The following STK32B variants were observed in gnomAD, a reference collection of about 807,000 sequenced individuals.
The protein encoded by STK32B is serine/threonine kinase 32B, also known as serine/threonine-protein kinase 32B.
In STK32B, 43 loss-of-function variants were observed where a neutral mutation model predicts 52.6. That is an observed-to-expected ratio of 0.82 (90% CI 0.64 to 1.05). STK32B has a LOEUF of 1.05. Among genes scored for constraint, STK32B ranks in the 50% least tolerant of loss-of-function variants. The pLI, the probability that STK32B is intolerant of heterozygous loss-of-function variation, is 0.00. For missense variants in STK32B, 621 were observed against 534.6 expected, an observed-to-expected ratio of 1.16 and a Z score of -1.59; for synonymous variants, 238 against 204.3, an observed-to-expected ratio of 1.17 and a Z score of -1.41.
At chr4:5,482,949 G>T (rs1212688498) in intron 11 of STK32B, among the ~76,000 whole-genome samples, 1 of 152,178 alleles carries the variant, frequency 6.6e-6, no homozygotes, top group Admixed American at 6.5e-5. Flanking sequence ...ACTTGATCAT[G>T]GTGGATAAGC....
At chr4:5,478,504 A>C (rs1718409385) in intron 11 of STK32B, among the ~76,000 whole-genome samples, 3 of 152,192 alleles carry the variant, frequency 2.0e-5, no homozygotes, top group African/African-American at 7.2e-5. Context: ...AATTACAGAG[A>C]TCAGAATTGC....
chr4:5,253,497 C>T (rs901745330), intron 3 of STK32B, among the ~76,000 whole-genome samples: 2 of 152,122 alleles, frequency 1.3e-5, no homozygotes, highest in African/African-American at 4.8e-5. Context: ...GCCTCAGCCT[C>T]CGAAATGGCT....
At chr4:5,417,746 C>G (rs1712281794) in intron 6 of STK32B, among the ~76,000 whole-genome samples, 1 of 152,142 alleles carries the variant, frequency 6.6e-6, no homozygotes, top group African/African-American at 2.4e-5. Flanking sequence ...TACTGTGTAA[C>G]AAACTGTGTC....
chr4:5,139,236 T>C (rs1314939051), intron 1 of STK32B, among the ~76,000 whole-genome samples: 3 of 152,126 alleles, frequency 2.0e-5, no homozygotes, highest in Non-Finnish European at 4.4e-5. Context: ...TTTGCACATA[T>C]AGGACCAGTG....
chr4:5,425,646 G>A (rs1713029876), intron 6 of STK32B, among the ~76,000 whole-genome samples: 1 of 152,188 alleles, frequency 6.6e-6, no homozygotes, highest in South Asian at 2.1e-4. Context: ...AGTTTGAGAT[G>A]CTTAGTTTTG....
rs3907685 is a variant in STK32B, at chr4:5,425,734, G to A, written c.562+8800G>A. ...ATTCAGACAAACACATACAGTCATAGATAAACACCACCACTATAAAGATAT... is the reference window on the plus strand; with the variant it reads ...ATTCAGACAAACACATACAGTCATAAATAAACACCACCACTATAAAGATAT... On this transcript the variant is annotated intron_variant, in intron 6 of 11. Transcript: ENST00000282908. Among the ~76,000 whole-genome samples, 936 of 152,212 alleles carry A rather than the reference G, an allele frequency of 6.1e-3. 10 individuals carry two copies. The highest frequency in any genetic ancestry group is 0.022 in the African/African-American group (897 of 41,520).
intron 4 of STK32B, among the ~76,000 whole-genome samples, chr4:5,334,960 A>T (rs572360688): frequency 7.3e-5 from 11 of 151,692 alleles, no homozygotes; most frequent in South Asian, 6.3e-4. Context: ...TGTCTCTGCC[A>T]GGCTTTGGTA....
chr4:5,111,325 C>A (rs1474487602), intron 1 of STK32B, among the ~76,000 whole-genome samples: 1 of 152,082 alleles, frequency 6.6e-6, no homozygotes, highest in Non-Finnish European at 1.5e-5. Context: ...ATGTTTAGTG[C>A]AACACTATTT....
chr4:5,213,881 A>G (rs964106264), intron 3 of STK32B, among the ~76,000 whole-genome samples: 6 of 152,324 alleles, frequency 3.9e-5, no homozygotes, highest in East Asian at 1.9e-4. Context: ...TAAATTACCA[A>G]TTAAATTAAA....
chr4:5,364,543 T>G (rs1474839084), intron 4 of STK32B, among the ~76,000 whole-genome samples: 1 of 152,158 alleles, frequency 6.6e-6, no homozygotes, highest in African/African-American at 2.4e-5. Context: ...AGACTCTGAT[T>G]GGTTATTTTT....
In STK32B at chr4:5,317,180, A is replaced by ATATATATAACATATATATAT. The variant is rs1560313096; in HGVS notation, c.261-14032_261-14031insACATATATATATTATATATA. Among the ~76,000 whole-genome samples, 17 of 49,570 alleles carry ATATATATAACATATATATAT rather than the reference A, an allele frequency of 3.4e-4. 1 individual carries two copies. Among genetic ancestry groups the ATATATATAACATATATATAT allele is most frequent in the East Asian group, 7.5e-4 (1 of 1,332 alleles). 32.5% of individuals were successfully genotyped at this position (49,570 alleles called of 152,430 possible). A position where few individuals can be genotyped will look rare whatever the true frequency, so the allele number is the denominator to read the frequency against. On this transcript the variant is annotated intron_variant, in intron 3 of 11. Coordinates refer to ENST00000282908, the MANE Select transcript of STK32B (RefSeq NM_018401.3). Reference sequence around the variant, plus strand: ...ATATTACATATATATAACATATAATATATATATATAACATATATATATTAT... The same window carrying ATATATATAACATATATATAT: ...ATATTACATATATATAACATATAATATATATATAACATATATATATTATATATATAACATATATATATTAT...
chr4:5,060,786 A>G (rs35946983), intron 1 of STK32B, among the ~76,000 whole-genome samples: 113 of 152,268 alleles, frequency 7.4e-4, no homozygotes, highest in Non-Finnish European at 1.3e-3. Context: ...CCAGTTATCA[A>G]ATTCTATGTC....
At chr4:5,170,272 G>C (rs922286500) in intron 3 of STK32B, among the ~76,000 whole-genome samples, 3 of 152,072 alleles carry the variant, frequency 2.0e-5, no homozygotes, top group African/African-American at 4.8e-5. Flanking sequence ...GAATGTGTTG[G>C]AGTAGCCTTT....
chr4:5,369,381 AAAACT>A (rs1184349707), intron 4 of STK32B, among the ~76,000 whole-genome samples: 1 of 152,068 alleles, frequency 6.6e-6, no homozygotes, highest in Non-Finnish European at 1.5e-5. Flanking sequence ...TCTAGGAGCC[AAAACT>A]AATTCTTGCT....
intron 3 of STK32B, among the ~76,000 whole-genome samples, chr4:5,277,474 G>A (rs145489038): frequency 0.012 from 1,769 of 152,208 alleles, 22 homozygotes; most frequent in South Asian, 0.057. Flanking sequence ...CACTGGATCA[G>A]CTAAAATAGA....
At chr4:5,438,155 G>C in intron 6 of STK32B, 1 of 984,032 alleles carries the variant, frequency 1.0e-6, no homozygotes, top group Non-Finnish European at 1.2e-6. Context: ...GAGCTTGTGG[G>C]CTGGCCCAGC....
At chr4:5,432,942 T>G (rs1329010967) in intron 6 of STK32B, among the ~76,000 whole-genome samples, 1 of 152,196 alleles carries the variant, frequency 6.6e-6, no homozygotes, top group Non-Finnish European at 1.5e-5. Context: ...TATAAGAGGT[T>G]AAGCAGCTTC....
chr4:5,174,874 C>T (rs987802727), intron 3 of STK32B, among the ~76,000 whole-genome samples: 1 of 152,210 alleles, frequency 6.6e-6, no homozygotes, highest in Non-Finnish European at 1.5e-5. Context: ...GGAAGTTCTC[C>T]TGGATAATAT....
At chr4:5,033,991 C>T in the STK32B span, among the ~76,000 whole-genome samples, 1 of 152,102 alleles carries the variant, frequency 6.6e-6, no homozygotes, top group Non-Finnish European at 1.5e-5. Flanking sequence ...CACTGCTGTG[C>T]AGGAGATGTG....
Sources: allele counts gnomAD v4.1 joint callset (sites outside exome capture counted in the v4.1 genomes callset), GRCh38; gene constraint gnomAD v4.1.1; transcripts MANE v1.5; gene names NCBI Gene and HGNC (gene_info 2026-07-23, HGNC 2026-07-21).